The following TFAP2B variants were observed in gnomAD, a reference collection of about 807,000 sequenced individuals.
The protein encoded by TFAP2B is transcription factor AP-2-beta.
Under a neutral mutation model 44.3 loss-of-function variants are expected in TFAP2B, and 9 were observed. That is an observed-to-expected ratio of 0.20 (90% CI 0.12 to 0.35). The LOEUF is 0.35. Ranked by LOEUF, TFAP2B falls within the 10% of genes least tolerant of loss-of-function variation. TFAP2B has a pLI of 1.00. For missense variants in TFAP2B, 509 were observed against 600.0 expected, an observed-to-expected ratio of 0.85 and a Z score of 1.59; for synonymous variants, 270 against 263.8, an observed-to-expected ratio of 1.02 and a Z score of -0.23.
chr6:50,841,116 T>C (rs1762720245), intron 6 of TFAP2B, among the ~76,000 whole-genome samples: 1 of 152,384 alleles, frequency 6.6e-6, no homozygotes, highest in East Asian at 1.9e-4. Flanking sequence ...TGGAATTTGA[T>C]TGCCCCTTTC....
In TFAP2B at chr6:50,843,530, A is replaced by T. The variant is rs916694674; in HGVS notation, c.*138A>T. On this transcript the variant is annotated 3_prime_UTR_variant, in exon 7 of 7. Coordinates refer to ENST00000393655, the MANE Select transcript of TFAP2B (RefSeq NM_003221.4). Reference sequence around the variant, plus strand: ...GAATACACATACAATCAAAATTTTAAAAAAAAAAGCTAAATAACTTAAAAA... The same window carrying T: ...GAATACACATACAATCAAAATTTTATAAAAAAAAGCTAAATAACTTAAAAA... 2.1e-5 allele frequency: 19 copies of T among 924,812 alleles called. No individual in the cohort carries two copies. Among genetic ancestry groups the T allele is most frequent in the African/African-American group, 2.0e-4 (12 of 59,424 alleles). 57.3% of individuals were successfully genotyped at this position (924,812 alleles called of 1,614,324 possible). A position where few individuals can be genotyped will look rare whatever the true frequency, so the allele number is the denominator to read the frequency against.
chr6:50,829,190 T>C (rs1770607378), intron 3 of TFAP2B, among the ~76,000 whole-genome samples: 1 of 152,200 alleles, frequency 6.6e-6, no homozygotes, highest in Non-Finnish European at 1.5e-5. Flanking sequence ...TGTTGCTAAA[T>C]ATGCGCATCC....
intron 4 of TFAP2B, among the ~76,000 whole-genome samples, chr6:50,836,738 A>G (rs1762631660): frequency 6.6e-6 from 1 of 151,622 alleles, no homozygotes; most frequent in Non-Finnish European, 1.5e-5. Context: ...CTTTTATTGC[A>G]TGTTTTAAAT....
intron 2 of TFAP2B, among the ~76,000 whole-genome samples, chr6:50,828,093 T>C (rs1017729531): frequency 6.6e-6 from 1 of 152,230 alleles, no homozygotes; most frequent in African/African-American, 2.4e-5. Flanking sequence ...GTATGGGCTG[T>C]AATGGGTGTG....
Position 50,846,964 on chromosome 6 carries a change from T to A in TFAP2B, c.*3572T>A. 6.6e-6 allele frequency: 1 copy of A among 152,646 alleles called. No homozygotes were observed. The highest frequency in any genetic ancestry group is 1.5e-5 in the Non-Finnish European group (1 of 68,054). The allele number at this position is 152,646 out of a possible 1,614,324, so 9.5% of individuals were successfully genotyped here. A position where few individuals can be genotyped will look rare whatever the true frequency, so the allele number is the denominator to read the frequency against. Reference sequence around the variant, plus strand: ...ATTATTTCATATCCTACGAAAACTTTGGTCGAATGGAAAACTCGAAACCTC... The same window carrying A: ...ATTATTTCATATCCTACGAAAACTTAGGTCGAATGGAAAACTCGAAACCTC... On this transcript the variant is annotated 3_prime_UTR_variant, in exon 7 of 7. Transcript: ENST00000393655.
rs1409774935 is a variant in TFAP2B at position 50,846,265 on chromosome 6, G to C, written c.*2873G>C. The C allele has an allele frequency of 6.6e-6, 1 of 152,294 alleles. No homozygotes were observed. The highest frequency in any genetic ancestry group is 1.5e-5 in the Non-Finnish European group (1 of 68,016). The allele number at this position is 152,294 out of a possible 1,614,324, so 9.4% of individuals were successfully genotyped here. A position where few individuals can be genotyped will look rare whatever the true frequency, so the allele number is the denominator to read the frequency against. On this transcript the variant is annotated 3_prime_UTR_variant, in exon 7 of 7. Transcript: ENST00000393655. ...CTCCCTCACTTCTCCTTTCATGTAGGACCCCCGCCCCCTTGCTTTCCTTAG... is the reference window on the plus strand; with the variant it reads ...CTCCCTCACTTCTCCTTTCATGTAGCACCCCCGCCCCCTTGCTTTCCTTAG...
chr6:50,822,284 C>A (rs1344215827), intron 1 of TFAP2B: 4 of 866,786 alleles, frequency 4.6e-6, no homozygotes, highest in Middle Eastern at 2.6e-4. Context: ...CCTTTGAGCG[C>A]CTTTGGCTTG....
In TFAP2B at chr6:50,836,226, G is replaced by A. The variant is rs1453214587; in HGVS notation, c.767G>A (p.Arg256Gln). ...YKVTVGEVQRRLSPPECLNAS... is the reference protein window; with the variant it reads ...YKVTVGEVQRQLSPPECLNAS... ...GTAACTGTGGGAGAAGTTCAGAGACGGCTGTCGCCCCCTGAATGCCTCAAT... is the reference window on the plus strand; with the variant it reads ...GTAACTGTGGGAGAAGTTCAGAGACAGCTGTCGCCCCCTGAATGCCTCAAT... Residue 256 changes from arginine to glutamine, a missense_variant, in exon 4 of 7, where the codon CGG (arginine) becomes CAG (glutamine). By Grantham distance (43) the Arg-to-Gln change is conservative. This residue lies in a region of TFAP2B where 45 missense variants were observed against 108.6 expected (regional missense o/e 0.41). Transcript: ENST00000393655. 1 of 1,613,112 alleles carries A rather than the reference G, an allele frequency of 6.2e-7. No individual in the cohort carries two copies. The highest frequency in any genetic ancestry group is 8.5e-7 in the Non-Finnish European group (1 of 1,180,032).
intron 3 of TFAP2B, among the ~76,000 whole-genome samples, chr6:50,834,659 A>G (rs946904381): frequency 6.6e-6 from 1 of 152,188 alleles, no homozygotes. Context: ...CATAGAAGGG[A>G]TGTTATGCAT....
At chr6:50,842,998 C>G in intron 6 of TFAP2B, 94 bp from the exon 7 acceptor site, 1 of 1,537,648 alleles carries the variant, frequency 6.5e-7, no homozygotes, top group Non-Finnish European at 9.0e-7. Flanking sequence ...CTTCGGTGAC[C>G]CGGCGCCTCT....
At chr6:50,825,277 A>T (rs1770471257) in intron 2 of TFAP2B, among the ~76,000 whole-genome samples, 1 of 145,374 alleles carries the variant, frequency 6.9e-6, no homozygotes, top group Non-Finnish European at 1.5e-5. Context: ...TATCATATGA[A>T]AAAGGAAGTA....
At chr6:50,833,638 C>A (rs186860093) in intron 3 of TFAP2B, among the ~76,000 whole-genome samples, 31 of 152,290 alleles carry the variant, frequency 2.0e-4, no homozygotes, top group African/African-American at 7.2e-4. Flanking sequence ...AGGTACTCAA[C>A]CCATGGCAGG....
At chr6:50,838,283 A>C (rs1233790315) in intron 5 of TFAP2B, among the ~76,000 whole-genome samples, 190 bp downstream of exon 5, 2 of 152,230 alleles carry the variant, frequency 1.3e-5, no homozygotes, top group Non-Finnish European at 2.9e-5. Context: ...AGTTGTAGAC[A>C]GGGCAAGGGA....
rs754062803 is a variant in TFAP2B, at chr6:50,828,730, G to A, written c.601+51G>A. On this transcript the variant is annotated intron_variant, in intron 3 of 6. Transcript: ENST00000393655. ...AAGCAAAGTTCTCTCATGCATTAAC[G>A]TCTTTATGATGAATTTTCACTTTGG... 1.1e-4 allele frequency: 181 copies of A among 1,587,432 alleles called. 1 individual carries two copies. Among genetic ancestry groups the A allele is most frequent in the Admixed American group, 2.0e-4 (12 of 59,956 alleles).
upstream of TFAP2B, chr6:50,818,724 T>C (rs1434014436): frequency 4.8e-6 from 3 of 630,426 alleles, no homozygotes; most frequent in Non-Finnish European, 8.4e-6. Flanking sequence ...CAATAATGTT[T>C]TTTCTCTTTG....
intron 3 of TFAP2B, among the ~76,000 whole-genome samples, chr6:50,830,705 G>A (rs1353974472): frequency 6.6e-6 from 1 of 152,058 alleles, no homozygotes; most frequent in Admixed American, 6.6e-5. Flanking sequence ...AGAGCCATAG[G>A]CAAAATAAGA....
chr6:50,826,804 C>T (rs180841093), intron 2 of TFAP2B, among the ~76,000 whole-genome samples: 40 of 152,248 alleles, frequency 2.6e-4, no homozygotes, highest in African/African-American at 8.4e-4. Context: ...GCCAACTCCC[C>T]CCAAACACAT....
At chr6:50,828,429 AT>A (rs1770585571) in intron 2 of TFAP2B, among the ~76,000 whole-genome samples, 189 bp from the exon 3 acceptor site, 1 of 152,208 alleles carries the variant, frequency 6.6e-6, no homozygotes, top group African/African-American at 2.4e-5. Context: ...CACTTCTTCC[AT>A]TGGAAAAATT....
At chr6:50,825,707 G>A (rs898698789) in intron 2 of TFAP2B, among the ~76,000 whole-genome samples, 7 of 152,150 alleles carry the variant, frequency 4.6e-5, no homozygotes, top group Admixed American at 6.5e-5. Context: ...CGGGAATACA[G>A]ACCACAGAGG....
Sources: allele counts gnomAD v4.1 joint callset (sites outside exome capture counted in the v4.1 genomes callset), GRCh38; gene constraint gnomAD v4.1.1; regional missense constraint gnomAD v4.1.1; transcripts MANE v1.5; gene names NCBI Gene and HGNC (gene_info 2026-07-23, HGNC 2026-07-21).